Variants in NEXMIF observed in about 807,000 individuals in gnomAD.
The protein encoded by NEXMIF is XLMR protein related to neurite extension.
A neutral mutation model predicts 62.1 loss-of-function variants in NEXMIF; 8 were observed. That is an observed-to-expected ratio of 0.13 (90% CI 0.08 to 0.23). NEXMIF has a LOEUF of 0.23. NEXMIF is among the 10% of genes least tolerant of loss of function. The pLI, the probability that NEXMIF is intolerant of heterozygous loss-of-function variation, is 1.00. For missense variants in NEXMIF, 976 were observed against 1,113.3 expected (o/e 0.88, Z 1.75); for synonymous variants, 404 against 416.6 (o/e 0.97, Z 0.37).
chrX:74,925,409 TGGC>T lies in NEXMIF; in HGVS notation c.-577_-575del. The T allele has an allele frequency of 1.1e-4, 22 of 197,115 alleles. No individual in the cohort carries two copies. The highest frequency in any genetic ancestry group is 3.2e-4 in the South Asian group (5 of 15,804). 16.2% of individuals were successfully genotyped at this position (197,115 alleles called of 1,213,427 possible). Reference sequence around the variant, plus strand: ...AATGCTACTGCTGTGGCGGCGGTGGTGGCGGCGGCGGCTGCTGCTGCTGCTGCT... The same window carrying T: ...AATGCTACTGCTGTGGCGGCGGTGGTGGCGGCGGCTGCTGCTGCTGCTGCT... On this transcript the variant is annotated 5_prime_UTR_variant, in exon 1 of 4. Transcript: ENST00000055682.
chrX:74,786,816 T>TACAC (rs761602482), intron 1 of NEXMIF, among the ~76,000 whole-genome samples: 9 of 107,336 alleles, frequency 8.4e-5, no homozygotes, highest in African/African-American at 2.4e-4. Context: ...AACAAGGTTG[T>TACAC]ACACACACAC....
Position 74,909,894 on chromosome X carries a change from C to T in NEXMIF, c.-48+14989G>A, listed in dbSNP as rs766197690. On this transcript the variant is annotated intron_variant, in intron 1 of 3. Coordinates refer to ENST00000055682, the MANE Select transcript of NEXMIF (RefSeq NM_001008537.3). ...AAGCCCCAAACCTTGGCAGCTTCCACGTGGTGTTGAGCCTGTGGGTGCACA... is the reference window on the plus strand; with the variant it reads ...AAGCCCCAAACCTTGGCAGCTTCCATGTGGTGTTGAGCCTGTGGGTGCACA... Among the ~76,000 whole-genome samples the T allele has an allele frequency of 8.2e-4, 92 of 112,483 alleles. 1 individual carries two copies. Among genetic ancestry groups the T allele is most frequent in the Non-Finnish European group, 6.2e-4 (33 of 53,255 alleles).
At chrX:74,835,594 T>G (rs1441051391) in intron 1 of NEXMIF, among the ~76,000 whole-genome samples, 1 of 111,755 alleles carries the variant, frequency 8.9e-6, no homozygotes, top group African/African-American at 3.3e-5. Flanking sequence ...CTCTTGTTTT[T>G]TTTTGTCCCT....
At chrX:74,793,952 G>A (rs1320896611) in intron 1 of NEXMIF, among the ~76,000 whole-genome samples, 222 of 83,010 alleles carry the variant, frequency 2.7e-3, no homozygotes, top group African/African-American at 9.1e-3. Context: ...TAATTTGATC[G>A]TCTGAAGCCT....
intron 1 of NEXMIF, among the ~76,000 whole-genome samples, chrX:74,747,311 T>G (rs934202706): frequency 1.8e-5 from 2 of 111,170 alleles, no homozygotes; most frequent in African/African-American, 6.6e-5. Flanking sequence ...AAGTCCAAGG[T>G]ATGGAAAGAG....
intron 1 of NEXMIF, among the ~76,000 whole-genome samples, chrX:74,755,718 A>G (rs1408721271): frequency 9.0e-6 from 1 of 111,266 alleles, no homozygotes; most frequent in Non-Finnish European, 1.9e-5. Context: ...CACCCTCATC[A>G]CACTCCTTTT....
chrX:74,877,611 G>A (rs1279009642), intron 1 of NEXMIF, among the ~76,000 whole-genome samples: 58 of 111,349 alleles, frequency 5.2e-4, no homozygotes, highest in Non-Finnish European at 8.5e-4. Context: ...CATTCTCCCC[G>A]TCACTTTCAG....
At chrX:74,922,072 C>G (rs946406589) in intron 1 of NEXMIF, among the ~76,000 whole-genome samples, 1 of 111,305 alleles carries the variant, frequency 9.0e-6, no homozygotes, top group African/African-American at 3.3e-5. Context: ...TATGGTGGTC[C>G]GTGAGACGAG....
At chrX:74,758,505 C>T (rs2080166011) in intron 1 of NEXMIF, among the ~76,000 whole-genome samples, 1 of 110,712 alleles carries the variant, frequency 9.0e-6, no homozygotes, top group South Asian at 3.9e-4. Context: ...ATTTTGTCAC[C>T]CAGGGACAAA....
chrX:74,844,769 A>G (rs2080486287), intron 1 of NEXMIF, among the ~76,000 whole-genome samples: 1 of 112,636 alleles, frequency 8.9e-6, no homozygotes. Flanking sequence ...GTGATACTTA[A>G]GTCCTGCAAT....
intron 1 of NEXMIF, among the ~76,000 whole-genome samples, chrX:74,862,707 G>A (rs2080562389): frequency 9.0e-6 from 1 of 111,562 alleles, no homozygotes; most frequent in African/African-American, 3.3e-5. Context: ...ACAACTACAT[G>A]GAAATTGAAC....
intron 1 of NEXMIF, among the ~76,000 whole-genome samples, chrX:74,795,502 A>G (rs189021342): frequency 1.8e-5 from 2 of 111,786 alleles, no homozygotes; most frequent in African/African-American, 6.5e-5. Context: ...TAGGGATGGG[A>G]TACTTATCAG....
intron 1 of NEXMIF, among the ~76,000 whole-genome samples, chrX:74,889,617 A>C (rs2080710045): frequency 9.0e-6 from 1 of 110,770 alleles, no homozygotes; most frequent in South Asian, 3.9e-4. Flanking sequence ...AAAATAGTAA[A>C]TCCATCTTCC....
At chrX:74,891,385 G>C (rs1480389348) in intron 1 of NEXMIF, among the ~76,000 whole-genome samples, 1 of 109,513 alleles carries the variant, frequency 9.1e-6, no homozygotes, top group African/African-American at 3.3e-5. Flanking sequence ...CTAGAGAAAA[G>C]CCTAAAGGAA....
intron 1 of NEXMIF, among the ~76,000 whole-genome samples, chrX:74,747,520 T>G (rs1269158153): frequency 8.9e-6 from 1 of 112,205 alleles, no homozygotes; most frequent in Non-Finnish European, 1.9e-5. Flanking sequence ...TATACTTCTA[T>G]ACCCTTTCAG....
chrX:74,842,556 C>T (rs140874955), intron 1 of NEXMIF, among the ~76,000 whole-genome samples: 2,075 of 110,791 alleles, frequency 0.019, 21 homozygotes, highest in Admixed American at 0.029. Context: ...CTTTCAGTTG[C>T]GATGTTAGGT....
intron 1 of NEXMIF, among the ~76,000 whole-genome samples, chrX:74,758,597 T>C (rs1471252206): frequency 9.0e-6 from 1 of 110,909 alleles, no homozygotes; most frequent in African/African-American, 3.3e-5. Flanking sequence ...TGTCTGTTGT[T>C]CCCCTATTTG....
chrX:74,760,841 G>GATTGATTTATTT (rs941141627), intron 1 of NEXMIF, among the ~76,000 whole-genome samples: 1 of 89,445 alleles, frequency 1.1e-5, no homozygotes, highest in Non-Finnish European at 2.2e-5. Context: ...TTGGCCCTAA[G>GATTGATTTATTT]ATTTATTTAT....
At chrX:74,824,455 A>C (rs1465568065) in intron 1 of NEXMIF, among the ~76,000 whole-genome samples, 2 of 111,884 alleles carry the variant, frequency 1.8e-5, no homozygotes, top group Admixed American at 1.9e-4. Context: ...CCTTCTTTTT[A>C]AAGGCTGAAT....
Sources: gnomAD v4.1 joint callset for allele counts (sites outside exome capture counted in the v4.1 genomes callset) on GRCh38, gnomAD v4.1.1 for gene constraint, MANE v1.5 for transcripts, NCBI Gene and HGNC (gene_info 2026-07-23, HGNC 2026-07-21) for gene names.